The following TENM2 variants were observed in gnomAD, a reference collection of about 807,000 sequenced individuals.
The protein encoded by TENM2 is teneurin transmembrane protein 2, also known as teneurin-2.
In TENM2, 52 loss-of-function variants were observed where a neutral mutation model predicts 245.2. That is an observed-to-expected ratio of 0.21 (90% CI 0.17 to 0.27). The LOEUF (loss-of-function observed/expected upper bound fraction) is 0.27. Among genes scored for constraint, TENM2 ranks in the 10% least tolerant of loss-of-function variants. TENM2 has a pLI of 1.00. For synonymous variants in TENM2, 1,363 were observed against 1,438.9 expected, an observed-to-expected ratio of 0.95 and a Z score of 1.19; for missense variants, 3,046 against 3,666.8, an observed-to-expected ratio of 0.83 and a Z score of 4.37.
chr5:167,096,826 T>A, the TENM2 span, among the ~76,000 whole-genome samples: 2 of 152,352 alleles, frequency 1.3e-5, no homozygotes, highest in South Asian at 2.1e-4. Flanking sequence ...GTACATTCTA[T>A]CTCAATGCAG....
chr5:167,149,595 T>C, the TENM2 span, among the ~76,000 whole-genome samples: 1 of 152,162 alleles, frequency 6.6e-6, no homozygotes, highest in East Asian at 1.9e-4. Flanking sequence ...CCAGCACAGA[T>C]CACATGGCCT....
intron 2 of TENM2, among the ~76,000 whole-genome samples, chr5:167,393,542 T>A: frequency 6.6e-6 from 1 of 152,150 alleles, no homozygotes; most frequent in East Asian, 1.9e-4. Context: ...GTTAATGTGA[T>A]TGCAGCAGAA....
At chr5:167,254,394 A>G in the TENM2 span, among the ~76,000 whole-genome samples, 1 of 152,154 alleles carries the variant, frequency 6.6e-6, no homozygotes. Context: ...TGTGCGTCAC[A>G]TGGAGATGAA....
intron 2 of TENM2, among the ~76,000 whole-genome samples, chr5:167,627,558 A>C (rs1222031385): frequency 8.3e-6 from 1 of 120,882 alleles, no homozygotes; most frequent in Non-Finnish European, 1.7e-5. Context: ...TTTTGACTCT[A>C]CTTCTTTTTT....
chr5:167,093,831 G>A, the TENM2 span, among the ~76,000 whole-genome samples: 1 of 152,150 alleles, frequency 6.6e-6, no homozygotes, highest in Non-Finnish European at 1.5e-5. Flanking sequence ...ATGAAAAGAT[G>A]ATTTTCATAG....
intron 2 of TENM2, among the ~76,000 whole-genome samples, chr5:167,393,286 A>C (rs1219476384): frequency 6.6e-6 from 1 of 152,174 alleles, no homozygotes; most frequent in Non-Finnish European, 1.5e-5. Context: ...ATGGTATGGG[A>C]AAAAGAAGAC....
intron 2 of TENM2, among the ~76,000 whole-genome samples, chr5:167,859,229 C>T (rs1771422879): frequency 2.5e-5 from 2 of 80,128 alleles, no homozygotes; most frequent in African/African-American, 1.0e-4. Context: ...AGACCCTCTG[C>T]CTGGCAACCA....
At chr5:167,154,319 T>C in the TENM2 span, among the ~76,000 whole-genome samples, 2 of 152,166 alleles carry the variant, frequency 1.3e-5, no homozygotes, top group Admixed American at 1.3e-4. Flanking sequence ...ATTTATACTT[T>C]TATCGTTTAC....
intron 2 of TENM2, among the ~76,000 whole-genome samples, chr5:167,841,568 C>T (rs895200075): frequency 7.2e-5 from 11 of 152,178 alleles, no homozygotes; most frequent in African/African-American, 2.2e-4. Flanking sequence ...CCATGCACAT[C>T]GTGCCTCTTT....
intron 2 of TENM2, among the ~76,000 whole-genome samples, chr5:167,695,742 A>C (rs1757719281): frequency 6.9e-6 from 1 of 145,748 alleles, no homozygotes; most frequent in Non-Finnish European, 1.5e-5. Flanking sequence ...AAAAAAAAAC[A>C]AAACAGAATT....
At chr5:167,024,959 G>A in the TENM2 span, among the ~76,000 whole-genome samples, 2 of 152,116 alleles carry the variant, frequency 1.3e-5, no homozygotes, top group African/African-American at 4.8e-5. Flanking sequence ...TAGAGTCACT[G>A]AGACATCTTT....
chr5:167,780,102 T>G (rs1764091074), intron 2 of TENM2, among the ~76,000 whole-genome samples: 1 of 152,316 alleles, frequency 6.6e-6, no homozygotes, highest in South Asian at 2.1e-4. Flanking sequence ...CACTTGGCAT[T>G]AAGAAGCACT....
At chr5:167,076,704 T>G in the TENM2 span, among the ~76,000 whole-genome samples, 1 of 152,192 alleles carries the variant, frequency 6.6e-6, no homozygotes, top group Non-Finnish European at 1.5e-5. Flanking sequence ...CATTTCCATA[T>G]AAATACTTAA....
the TENM2 span, among the ~76,000 whole-genome samples, chr5:167,016,072 A>G: frequency 4.6e-5 from 7 of 151,734 alleles, no homozygotes; most frequent in Admixed American, 2.6e-4. Context: ...AGCTAACACG[A>G]TGAAACTCCG....
intron 2 of TENM2, among the ~76,000 whole-genome samples, chr5:167,817,030 A>G (rs1023188636): frequency 6.6e-6 from 1 of 152,186 alleles, no homozygotes; most frequent in African/African-American, 2.4e-5. Context: ...GATTTGGTTG[A>G]TGTGTTTCAG....
intron 2 of TENM2, among the ~76,000 whole-genome samples, chr5:167,872,475 AAAG>A (rs1772971102): frequency 8.7e-6 from 1 of 114,480 alleles, no homozygotes; most frequent in African/African-American, 3.2e-5. Flanking sequence ...AGAAAGAAAG[AAAG>A]AAAGAAAAAG....
intron 2 of TENM2, among the ~76,000 whole-genome samples, chr5:167,591,743 C>T (rs935116793): frequency 1.3e-5 from 2 of 152,256 alleles, no homozygotes; most frequent in South Asian, 4.1e-4. Context: ...AGAAAGGATG[C>T]GTATATAAAG....
intron 2 of TENM2, among the ~76,000 whole-genome samples, chr5:167,776,757 C>T (rs1486901033): frequency 6.6e-6 from 1 of 151,518 alleles, no homozygotes; most frequent in Admixed American, 6.6e-5. Context: ...TAAACCACTC[C>T]CATTAGGCAG....
At chr5:167,209,810 G>A in the TENM2 span, among the ~76,000 whole-genome samples, 15 of 152,218 alleles carry the variant, frequency 9.9e-5, no homozygotes, top group East Asian at 3.9e-4. Context: ...GCAAGGTTGC[G>A]TTTTCTGAGA....
Sources: gnomAD v4.1 joint callset for allele counts (sites outside exome capture counted in the v4.1 genomes callset) on GRCh38, gnomAD v4.1.1 for gene constraint, MANE v1.5 for transcripts, NCBI Gene and HGNC (gene_info 2026-07-23, HGNC 2026-07-21) for gene names.